Variants in LRRC8D observed in about 807,000 individuals in gnomAD.
The protein encoded by LRRC8D is leucine rich repeat containing 8 VRAC subunit D.
A neutral mutation model predicts 55.8 loss-of-function variants in LRRC8D; 20 were observed. The ratio of observed to expected loss-of-function variants is 0.36; its 90% confidence interval spans 0.25 to 0.52. The LOEUF (loss-of-function observed/expected upper bound fraction) is 0.52, where lower values mean the gene tolerates loss of function less well. Ranked by LOEUF, LRRC8D falls within the 20% of genes least tolerant of loss-of-function variation. The pLI, the probability that LRRC8D is intolerant of heterozygous loss-of-function variation, is 0.93. For missense variants in LRRC8D, 651 were observed against 1,030.8 expected, an observed-to-expected ratio of 0.63 and a Z score of 5.05; for synonymous variants, 352 against 377.0, an observed-to-expected ratio of 0.93 and a Z score of 0.77.
chr1:89,834,464 G>T (rs1660958983), intron 1 of LRRC8D, among the ~76,000 whole-genome samples: 1 of 152,204 alleles, frequency 6.6e-6, no homozygotes, highest in Admixed American at 6.5e-5. Context: ...GGCTCAGTGT[G>T]TTTAAATAAC....
At chr1:89,827,805 G>T (rs1660799415) in intron 1 of LRRC8D, among the ~76,000 whole-genome samples, 1 of 152,178 alleles carries the variant, frequency 6.6e-6, no homozygotes, top group African/African-American at 2.4e-5. Context: ...CACGTGGCAG[G>T]CCCTCTATTA....
intron 1 of LRRC8D, among the ~76,000 whole-genome samples, chr1:89,831,592 A>G (rs1175468470): frequency 6.6e-6 from 1 of 152,110 alleles, no homozygotes; most frequent in Non-Finnish European, 1.5e-5. Context: ...GAAGAAAGAG[A>G]AAGAAAGAAA....
At position 89,934,778 on chromosome 1, in the gene LRRC8D, T is replaced by A; in HGVS notation, c.1710T>A (p.Asn570Lys). Residue 570 changes from asparagine (N) to lysine (K), a missense_variant, in exon 3 of 3, where the codon AAT becomes AAA. By Grantham distance (94) the Asn-to-Lys change is moderately conservative. Transcript: ENST00000337338. This position sits in a 1 kb window ranked among gnomAD's most constrained non-coding sequence, Gnocchi z 5.9. ...TTCGAGAGTTGTACTTAATAGGCAA[T>A]TTGAACTCTGAAAACAATAAGATGA... Reference protein sequence around the residue: ...KNLRELYLIGNLNSENNKMIG... With the variant: ...KNLRELYLIGKLNSENNKMIG... 1.9e-6 allele frequency: 3 copies of A among 1,614,162 alleles called. No homozygotes were observed. Among genetic ancestry groups the A allele is most frequent in the Non-Finnish European group, 2.5e-6 (3 of 1,180,042 alleles).
intron 2 of LRRC8D, among the ~76,000 whole-genome samples, chr1:89,901,854 C>T (rs906143492): frequency 6.6e-6 from 1 of 152,188 alleles, no homozygotes; most frequent in Non-Finnish European, 1.5e-5. Context: ...CTTTGCAGTA[C>T]GTCGTGCCTC....
chr1:89,901,393 T>C (rs1478981769), intron 2 of LRRC8D, among the ~76,000 whole-genome samples: 3 of 152,242 alleles, frequency 2.0e-5, no homozygotes, highest in African/African-American at 7.2e-5. Flanking sequence ...AGGAAAAGAT[T>C]GGGTTTAGAT....
chr1:89,901,035 C>T (rs993349612), intron 2 of LRRC8D, among the ~76,000 whole-genome samples: 1 of 152,214 alleles, frequency 6.6e-6, no homozygotes, highest in Non-Finnish European at 1.5e-5. Flanking sequence ...AGCCTCTGCC[C>T]TGGGAAACAG....
At chr1:89,926,013 A>G (rs1396902187) in intron 2 of LRRC8D, among the ~76,000 whole-genome samples, 1 of 152,226 alleles carries the variant, frequency 6.6e-6, no homozygotes, top group Non-Finnish European at 1.5e-5. Context: ...AGTTTCTCTA[A>G]CGCATCATTT....
At chr1:89,869,104 G>A (rs1038012845) in intron 2 of LRRC8D, among the ~76,000 whole-genome samples, 1 of 151,944 alleles carries the variant, frequency 6.6e-6, no homozygotes, top group Non-Finnish European at 1.5e-5. Context: ...ATGGGGTTTC[G>A]CTATGTTGGC....
chr1:89,896,283 G>A (rs1662710218), intron 2 of LRRC8D, among the ~76,000 whole-genome samples: 1 of 152,112 alleles, frequency 6.6e-6, no homozygotes, highest in Admixed American at 6.5e-5. Context: ...CAGGAGGTGG[G>A]GAAGGGAGGG....
chr1:89,927,277 T>G (rs969196059), intron 2 of LRRC8D, among the ~76,000 whole-genome samples: 1 of 152,284 alleles, frequency 6.6e-6, no homozygotes, highest in Non-Finnish European at 1.5e-5. Flanking sequence ...CAGCTGTTTC[T>G]GCGGCAGCTT....
chr1:89,840,178 GGTT>G (rs1275374851), intron 1 of LRRC8D, among the ~76,000 whole-genome samples: 2 of 152,076 alleles, frequency 1.3e-5, no homozygotes, highest in African/African-American at 4.8e-5. Flanking sequence ...CTTTTTATGA[GGTT>G]GTGATTTTAA....
intron 2 of LRRC8D, among the ~76,000 whole-genome samples, chr1:89,856,598 A>G (rs1225445130): frequency 1.3e-5 from 2 of 152,246 alleles, no homozygotes; most frequent in African/African-American, 4.8e-5. Flanking sequence ...ACAGAAAGAT[A>G]GAAAATCAGA....
At chr1:89,851,720 G>A (rs1661422497) in intron 2 of LRRC8D, among the ~76,000 whole-genome samples, 1 of 152,028 alleles carries the variant, frequency 6.6e-6, no homozygotes, top group Admixed American at 6.5e-5. Context: ...ATGTTGCGCA[G>A]GCTGGTCTCA....
At chr1:89,919,817 A>T (rs1663366992) in intron 2 of LRRC8D, among the ~76,000 whole-genome samples, 1 of 152,170 alleles carries the variant, frequency 6.6e-6, no homozygotes, top group African/African-American at 2.4e-5. Context: ...TTAATTTTTT[A>T]AAAAATTATT....
intron 2 of LRRC8D, among the ~76,000 whole-genome samples, chr1:89,876,592 A>G (rs1297785893): frequency 6.6e-6 from 1 of 152,182 alleles, no homozygotes; most frequent in Non-Finnish European, 1.5e-5. Context: ...GGGTAGTGGG[A>G]GATCAGATAT....
chr1:89,917,820 C>T (rs1179235503), intron 2 of LRRC8D, among the ~76,000 whole-genome samples: 3 of 152,114 alleles, frequency 2.0e-5, no homozygotes, highest in East Asian at 3.9e-4. Flanking sequence ...GCGGTCAGTG[C>T]GAGGATAGGG....
At chr1:89,901,318 C>T (rs1380452082) in intron 2 of LRRC8D, among the ~76,000 whole-genome samples, 1 of 152,240 alleles carries the variant, frequency 6.6e-6, no homozygotes, top group Non-Finnish European at 1.5e-5. Context: ...AGGTCCATCT[C>T]TGCCTCTAAC....
intron 1 of LRRC8D, among the ~76,000 whole-genome samples, chr1:89,826,041 A>G (rs545599342): frequency 1.2e-4 from 19 of 152,116 alleles, no homozygotes; most frequent in Non-Finnish European, 2.4e-4. Context: ...CACGTGGGCA[A>G]CCTCTTTATA....
rs1357995920 is a variant in LRRC8D, at chr1:89,860,791, T to A, written c.-3+17009T>A. ...AAAAAAAAAAAAAAAAAAAAATATATATATATATATATATATATACACACA... is the reference window on the plus strand; with the variant it reads ...AAAAAAAAAAAAAAAAAAAAATATAAATATATATATATATATATACACACA... On this transcript the variant is annotated intron_variant, in intron 2 of 2. Coordinates refer to ENST00000337338, the MANE Select transcript of LRRC8D (RefSeq NM_001134479.2). Among the ~76,000 whole-genome samples, 182 of 84,886 alleles carry A rather than the reference T, an allele frequency of 2.1e-3. 3 individuals are homozygous for A. Among genetic ancestry groups the A allele is most frequent in the African/African-American group, 4.6e-3 (93 of 20,352 alleles). 55.7% of individuals were successfully genotyped at this position (84,886 alleles called of 152,430 possible).
Sources: gnomAD v4.1 joint callset for allele counts (sites outside exome capture counted in the v4.1 genomes callset) on GRCh38, gnomAD v4.1.1 for gene constraint, Gnocchi (gnomAD v3.1) non-coding constraint, MANE v1.5 for transcripts, NCBI Gene and HGNC (gene_info 2026-07-23, HGNC 2026-07-21) for gene names.